The following TDRD12 variants were observed in gnomAD, a reference collection of about 807,000 sequenced individuals.
TDRD12 encodes the protein putative ATP-dependent RNA helicase TDRD12.
TDRD12 carries 158 observed loss-of-function variants against 133.5 expected under a neutral mutation model. That is an observed-to-expected ratio of 1.18 (90% confidence interval 1.04 to 1.35). TDRD12 has a LOEUF of 1.35. TDRD12 is among the 40% of genes most tolerant of loss of function. TDRD12 has a pLI of 0.00. For synonymous variants in TDRD12, 460 were observed against 477.9 expected, an observed-to-expected ratio of 0.96 and a Z score of 0.49; for missense variants, 1,443 against 1,321.3, an observed-to-expected ratio of 1.09 and a Z score of -1.43.
chr19:32,805,214 CACACACAT>C (rs985691541), intron 21 of TDRD12, among the ~76,000 whole-genome samples: 64 of 32,644 alleles, frequency 2.0e-3, no homozygotes, highest in Non-Finnish European at 2.6e-3. Context: ...CACACACACA[CACACACAT>C]ATATATATAT....
chr19:32,797,843 A>G (rs1036984225), exon 15 of TDRD12: 6 of 702,118 alleles, frequency 8.5e-6, no homozygotes, highest in African/African-American at 3.5e-5. Flanking sequence ...GCTATTAACA[A>G]TTGGGCTCCA....
chr19:32,794,988 A>G (rs890045722), intron 14 of TDRD12, among the ~76,000 whole-genome samples, 175 bp downstream of exon 14: 4 of 152,132 alleles, frequency 2.6e-5, no homozygotes, highest in Non-Finnish European at 5.9e-5. Context: ...ATGCTCTCAT[A>G]CTGATTCTCA....
At chr19:32,777,012 C>T (rs1970602466) in intron 10 of TDRD12, 137 bp from the exon 11 acceptor site, 6 of 589,288 alleles carry the variant, frequency 1.0e-5, no homozygotes, top group Non-Finnish European at 1.7e-5. Context: ...CCTTGGCCTC[C>T]CGAGTTGCTG....
Position 32,742,809 on chromosome 19 carries a change from C to T in TDRD12, c.349C>T (p.Gln117Ter), listed in dbSNP as rs1405488952. ...CCGAGTTGTAGTAGAATCGTTTATG[C>T]AGCTTCCCTATAGAGCAAAAAAATT... The change falls in exon 4 of 28, where the codon CAG becomes TAG. Residue 117 changes from glutamine to a stop codon, truncating the protein, a stop_gained. Transcript: ENST00000444215. LOFTEE classifies it high-confidence loss of function. The T allele has an allele frequency of 6.4e-7, 1 of 1,551,740 alleles. No homozygotes were observed. The highest frequency in any genetic ancestry group is 8.7e-7 in the Non-Finnish European group (1 of 1,147,006).
At chr19:32,789,119 C>G (rs1970994631) in intron 11 of TDRD12, among the ~76,000 whole-genome samples, 1 of 151,872 alleles carries the variant, frequency 6.6e-6, no homozygotes, top group African/African-American at 2.4e-5. Flanking sequence ...AGGTTCCCCC[C>G]TCTGCCACAT....
intron 14 of TDRD12, 65 bp from the exon 15 acceptor site, chr19:32,797,670 G>A: frequency 1.7e-6 from 1 of 581,098 alleles, no homozygotes; most frequent in South Asian, 2.3e-5. Flanking sequence ...TGTTCTTGAT[G>A]TTTCATATGG....
chr19:32,760,008 T>G (rs1322961593), intron 8 of TDRD12, among the ~76,000 whole-genome samples: 1 of 152,248 alleles, frequency 6.6e-6, no homozygotes, highest in African/African-American at 2.4e-5. Flanking sequence ...AGGTGAGAAT[T>G]ACAGCAGAAG....
chr19:32,811,453 C>G (rs1210733374), intron 24 of TDRD12, 33 bp downstream of exon 24: 1 of 1,498,746 alleles, frequency 6.7e-7, no homozygotes, highest in East Asian at 2.5e-5. Flanking sequence ...CTATTGTTGA[C>G]TTTTAGAATA....
intron 8 of TDRD12, among the ~76,000 whole-genome samples, chr19:32,764,587 G>C (rs749017213): frequency 6.6e-6 from 1 of 152,160 alleles, no homozygotes; most frequent in African/African-American, 2.4e-5. Context: ...GCTGTTGTTG[G>C]TTAGAATGTT....
chr19:32,775,348 C>T (rs913251625), intron 10 of TDRD12, among the ~76,000 whole-genome samples: 16 of 152,134 alleles, frequency 1.1e-4, no homozygotes, highest in South Asian at 2.1e-4. Context: ...TATTTTTTTG[C>T]GACAGGATCT....
At chr19:32,751,846 C>G (rs1266100484) in intron 6 of TDRD12, among the ~76,000 whole-genome samples, 7 of 152,022 alleles carry the variant, frequency 4.6e-5, no homozygotes. Context: ...CCACACCCAG[C>G]ACCTTCTGCA....
At chr19:32,822,018 G>C (rs1020103548), downstream of TDRD12, among the ~76,000 whole-genome samples, 4 of 152,202 alleles carry the variant, frequency 2.6e-5, no homozygotes, top group Non-Finnish European at 4.4e-5. Flanking sequence ...CTACTCAAGA[G>C]GCTAAGGTGG....
intron 21 of TDRD12, among the ~76,000 whole-genome samples, chr19:32,804,816 A>G (rs1971497214): frequency 6.6e-6 from 1 of 151,938 alleles, no homozygotes; most frequent in Non-Finnish European, 1.5e-5. Context: ...AGTTCGCGCC[A>G]CTGCACTCCA....
exon 21 of TDRD12, chr19:32,803,100 G>C (rs1971448945): frequency 1.3e-6 from 2 of 1,535,234 alleles, no homozygotes; most frequent in Non-Finnish European, 1.7e-6. Flanking sequence ...AAGAAAGCCG[G>C]AAGGCCTCTT....
At chr19:32,771,554 A>G (rs1426611650) in intron 8 of TDRD12, among the ~76,000 whole-genome samples, 3 of 148,638 alleles carry the variant, frequency 2.0e-5, no homozygotes, top group African/African-American at 7.4e-5. Flanking sequence ...TTATCTTCAT[A>G]TCGTCAGATG....
At chr19:32,800,756 C>G in exon 18 of TDRD12, 1 of 1,534,506 alleles carries the variant, frequency 6.5e-7, no homozygotes. Flanking sequence ...GTAGCTGAAA[C>G]AGAAATAGTG....
At chr19:32,809,047 G>A (rs1461817617) in intron 22 of TDRD12, among the ~76,000 whole-genome samples, 3 of 152,038 alleles carry the variant, frequency 2.0e-5, no homozygotes, top group Non-Finnish European at 4.4e-5. Context: ...TTGTTTTCTT[G>A]ACATTTTGGA....
chr19:32,805,105 C>G (rs920715675), intron 21 of TDRD12, among the ~76,000 whole-genome samples: 9 of 150,454 alleles, frequency 6.0e-5, no homozygotes, highest in Non-Finnish European at 1.2e-4. Context: ...CAAGACCAGC[C>G]TGGGCAACAC....
At chr19:32,817,968 T>TAA in intron 26 of TDRD12, 121 bp from the exon 27 acceptor site, 1 of 640,960 alleles carries the variant, frequency 1.6e-6, no homozygotes, top group African/African-American at 2.0e-5. Context: ...GGCCTCTGTC[T>TAA]CAAAAAAAAA....
Sources: gnomAD v4.1 joint callset for allele counts (sites outside exome capture counted in the v4.1 genomes callset) on GRCh38, gnomAD v4.1.1 for gene constraint, MANE v1.5 for transcripts, NCBI Gene and HGNC (gene_info 2026-07-23, HGNC 2026-07-21) for gene names.